CACNA2D4: variants seen among roughly 807,000 people sequenced by gnomAD.
CACNA2D4 encodes the protein calcium voltage-gated channel auxiliary subunit alpha2delta 4.
Under a neutral mutation model 163.8 loss-of-function variants are expected in CACNA2D4, and 157 were observed. The ratio of observed to expected loss-of-function variants is 0.96; its 90% CI spans 0.84 to 1.09. The LOEUF is 1.09. Ranked by LOEUF, CACNA2D4 falls within the 50% of genes least tolerant of loss-of-function variation. The probability of loss-of-function intolerance (pLI) is 0.00; values close to 1 mark genes in which losing one functional copy is unlikely to be tolerated. For synonymous variants in CACNA2D4, 598 were observed against 586.9 expected, an observed-to-expected ratio of 1.02 and a Z score of -0.27; for missense variants, 1,410 against 1,479.9, an observed-to-expected ratio of 0.95 and a Z score of 0.78.
chr12:1,808,710 G>A (rs1397307098), intron 29 of CACNA2D4, among the ~76,000 whole-genome samples: 1 of 152,232 alleles, frequency 6.6e-6, no homozygotes, highest in Non-Finnish European at 1.5e-5. Context: ...ACCACGGGAG[G>A]CCTGGGGACA....
At position 1,883,532 on chromosome 12, in the gene CACNA2D4, G is replaced by A. The variant is rs1405957220; in HGVS notation, c.1352-532C>T. On this transcript the variant is annotated intron_variant, in intron 12 of 37. Transcript: ENST00000382722. This position sits in a 1 kb window ranked among gnomAD's most constrained non-coding sequence, Gnocchi z 4.5. ...CAAAGCGCAGATGGCGCAGAAGGCT[G>A]TGAATGGCCTCTCCACGCCCCCACC... Among the ~76,000 whole-genome samples, 1 of 152,198 alleles carries A rather than the reference G, an allele frequency of 6.6e-6. No homozygotes were observed. The highest frequency in any genetic ancestry group is 2.4e-5 in the African/African-American group (1 of 41,444).
intron 29 of CACNA2D4, among the ~76,000 whole-genome samples, chr12:1,808,866 G>A (rs1035704541): frequency 6.6e-6 from 1 of 152,186 alleles, no homozygotes; most frequent in Non-Finnish European, 1.5e-5. Flanking sequence ...CAAAGGTCCG[G>A]TGCTCTGTCT....
Position 1,811,716 on chromosome 12 carries a change from G to C in CACNA2D4, c.2559C>G (p.Gly853=). ...DKRTAIAAAA[G]VQMKLEFLQR... is the part of the protein sequence containing the mutation. ...GGAGGAATTCCAGCTTCATTTGGAC[G>C]CCCGCGGCTACAGGGCAGAAAGAGA... Residue 853 remains glycine (G), a synonymous_variant, in exon 27 of 38, where the codon GGC becomes GGG. Transcript: ENST00000382722. 1 of 1,558,852 alleles carries C rather than the reference G, an allele frequency of 6.4e-7. No individual in the cohort carries two copies. Among genetic ancestry groups the C allele is most frequent in the Non-Finnish European group, 8.7e-7 (1 of 1,150,872 alleles).
Position 1,907,382 on chromosome 12 carries a change from C to CATTG in CACNA2D4, c.781+57_781+58insCAAT, listed in dbSNP as rs140331211. Reference sequence around the variant, plus strand: ...GTGCCAGGGTCCATCTTCAGTGCCCCTATTATTTCCAGAGAAGAATCCCAG... The same window carrying CATTG: ...GTGCCAGGGTCCATCTTCAGTGCCCCATTGTATTATTTCCAGAGAAGAATCCCAG... On this transcript the variant is annotated intron_variant, in intron 6 of 37. Transcript: ENST00000382722. 2.4e-5 allele frequency: 7 copies of CATTG among 287,378 alleles called. 1 individual carries two copies. In the South Asian group the frequency reaches 3.1e-4, roughly 13 times the overall value. 17.8% of individuals were successfully genotyped at this position (287,378 alleles called of 1,614,324 possible). A position where few individuals can be genotyped will look rare whatever the true frequency, so the allele number is the denominator to read the frequency against.
At chr12:1,872,097 A>G (rs923619970) in intron 18 of CACNA2D4, among the ~76,000 whole-genome samples, 1 of 152,178 alleles carries the variant, frequency 6.6e-6, no homozygotes, top group African/African-American at 2.4e-5. Flanking sequence ...CCGCCAGCCA[A>G]AACTGGGCTT....
At chr12:1,866,786 A>AT (rs1328899899) in intron 18 of CACNA2D4, among the ~76,000 whole-genome samples, 5 of 82,204 alleles carry the variant, frequency 6.1e-5, no homozygotes, top group Non-Finnish European at 1.4e-4. Context: ...ACACCTGGCT[A>AT]ATTTTTTTTT....
intron 20 of CACNA2D4, among the ~76,000 whole-genome samples, chr12:1,857,421 C>T (rs1340294364): frequency 6.6e-6 from 1 of 152,218 alleles, no homozygotes; most frequent in African/African-American, 2.4e-5. Flanking sequence ...GAAGATCCCT[C>T]TGGCTGAAGC....
intron 6 of CACNA2D4, among the ~76,000 whole-genome samples, chr12:1,896,764 T>C (rs1275686964): frequency 6.6e-6 from 1 of 151,996 alleles, no homozygotes; most frequent in Non-Finnish European, 1.5e-5. Flanking sequence ...CTCAAAAAAC[T>C]AAAAATAGAA....
At chr12:1,803,120 A>G (rs544146965) in intron 29 of CACNA2D4, among the ~76,000 whole-genome samples, 1 of 152,384 alleles carries the variant, frequency 6.6e-6, no homozygotes, top group South Asian at 2.1e-4. Context: ...AGGCTGGTAC[A>G]GGAGCTGAGG....
intron 6 of CACNA2D4, among the ~76,000 whole-genome samples, chr12:1,888,730 T>C (rs1866210525): frequency 6.6e-6 from 1 of 152,200 alleles, no homozygotes; most frequent in African/African-American, 2.4e-5. Flanking sequence ...CTACTGAGGC[T>C]GGAATGAGAA....
chr12:1,812,085 G>A (rs1346151057), intron 26 of CACNA2D4, among the ~76,000 whole-genome samples: 1 of 152,194 alleles, frequency 6.6e-6, no homozygotes, highest in East Asian at 1.9e-4. Context: ...GGAATATAGA[G>A]GCCAGAGAGA....
intron 18 of CACNA2D4, among the ~76,000 whole-genome samples, chr12:1,866,374 A>C (rs1438561451): frequency 6.6e-6 from 1 of 152,250 alleles, no homozygotes; most frequent in Admixed American, 6.5e-5. Context: ...ATATATTACA[A>C]ACCCCACAAT....
intron 20 of CACNA2D4, among the ~76,000 whole-genome samples, 198 bp downstream of exon 20, chr12:1,858,379 C>T (rs1223496870): frequency 1.3e-5 from 2 of 152,138 alleles, no homozygotes; most frequent in Admixed American, 6.5e-5. Context: ...ACGACAGACC[C>T]ACAGATCCTG....
chr12:1,905,286 C>G (rs1276779969), intron 6 of CACNA2D4, among the ~76,000 whole-genome samples: 1 of 152,098 alleles, frequency 6.6e-6, no homozygotes, highest in Non-Finnish European at 1.5e-5. Flanking sequence ...AGCTTTTTCT[C>G]TATAATCAAA....
chr12:1,884,776 C>T lies in CACNA2D4; in HGVS notation c.1264G>A (p.Asp422Asn). The change falls in exon 11 of 38, where the codon GAC becomes AAC. Residue 422 changes from aspartate (D) to asparagine (N), a missense_variant. Coordinates refer to ENST00000382722, the MANE Select transcript of CACNA2D4 (RefSeq NM_172364.5). ...EPVFEKYNWP[D>N]CKVRVFTYLI... Reference sequence around the variant, plus strand: ...ACCCGTGGGAGGGTCACCTTACAGTCTGGCCAGTTATACTTCTCAAACACC... The same window carrying T: ...ACCCGTGGGAGGGTCACCTTACAGTTTGGCCAGTTATACTTCTCAAACACC... The T allele has an allele frequency of 6.2e-7, 1 of 1,612,108 alleles. No individual in the cohort carries two copies. Among genetic ancestry groups the T allele is most frequent in the Non-Finnish European group, 8.5e-7 (1 of 1,178,456 alleles).
chr12:1,834,434 C>G lies in CACNA2D4; in HGVS notation c.2551+6305G>C. On this transcript the variant is annotated intron_variant, in intron 26 of 37. Transcript: ENST00000382722. The surrounding 1 kb of genome is among the most constrained non-coding windows in gnomAD (Gnocchi z 7.6). The stretch of plus-strand genomic sequence containing the variant: ...ACCCTGCACCAAGGCCAGTCCAGAG[C>G]CTGCTAAGCCCAAGCCCGGGGCTGA... 1 of 1,612,624 alleles carries G rather than the reference C, an allele frequency of 6.2e-7. No individual in the cohort carries two copies. Among genetic ancestry groups the G allele is most frequent in the Non-Finnish European group, 8.5e-7 (1 of 1,179,952 alleles).
At chr12:1,850,297 CA>C (rs983709837) in intron 23 of CACNA2D4, among the ~76,000 whole-genome samples, 1 of 152,164 alleles carries the variant, frequency 6.6e-6, no homozygotes, top group African/African-American at 2.4e-5. Flanking sequence ...GCATAGTTGT[CA>C]TTTGCATTTC....
intron 23 of CACNA2D4, among the ~76,000 whole-genome samples, chr12:1,847,426 G>A (rs1410069346): frequency 2.0e-5 from 3 of 152,218 alleles, no homozygotes; most frequent in East Asian, 3.9e-4. Flanking sequence ...AGGCTCAGAG[G>A]CTGGACTGCG....
Position 1,856,086 on chromosome 12 carries a change from T to A in CACNA2D4, c.2078A>T (p.Asp693Val). 1.2e-6 allele frequency: 2 copies of A among 1,613,984 alleles called. No individual in the cohort carries two copies. The highest frequency in any genetic ancestry group is 1.7e-6 in the Non-Finnish European group (2 of 1,179,884). ...CTGGCTGAGCTTCCGGTGGTCTGGG[T>A]CAATATCTGTGATGCAGTAGATCCT... ...GDWIYCITDIDPDHRKLSQLE... is the reference protein window; with the variant it reads ...GDWIYCITDIVPDHRKLSQLE... The change falls in exon 22 of 38, where the codon GAC (aspartate) becomes GTC (valine). Residue 693 changes from aspartate (D) to valine (V), a missense_variant. Coordinates refer to ENST00000382722, the MANE Select transcript of CACNA2D4 (RefSeq NM_172364.5).
Sources: allele counts gnomAD v4.1 joint callset (sites outside exome capture counted in the v4.1 genomes callset), GRCh38; gene constraint gnomAD v4.1.1; non-coding constraint Gnocchi (gnomAD v3.1); transcripts MANE v1.5; gene names NCBI Gene and HGNC (gene_info 2026-07-23, HGNC 2026-07-21).